The following TTC28 variants were observed in gnomAD, a reference collection of about 807,000 sequenced individuals.
TTC28 encodes tetratricopeptide repeat domain 28.
A neutral mutation model predicts 198.0 loss-of-function variants in TTC28; 61 were observed. The observed-to-expected ratio is 0.31, with a 90% confidence interval of 0.25 to 0.38. TTC28 has a LOEUF of 0.38. TTC28 is among the 10% of genes least tolerant of loss of function. The pLI is 1.00. For missense variants in TTC28, 2,678 were observed against 3,164.0 expected (o/e 0.85, Z 3.69); for synonymous variants, 1,171 against 1,297.8 (o/e 0.90, Z 2.10).
chr22:28,039,509 G>A (rs545293704), intron 12 of TTC28, among the ~76,000 whole-genome samples: 5 of 149,944 alleles, frequency 3.3e-5, no homozygotes, highest in East Asian at 2.0e-4. Flanking sequence ...ATCACAACCC[G>A]GGGTCTGTTG....
At chr22:28,345,676 T>C (rs1340075054) in intron 2 of TTC28, among the ~76,000 whole-genome samples, 4 of 152,180 alleles carry the variant, frequency 2.6e-5, no homozygotes, top group Admixed American at 6.5e-5. Flanking sequence ...TGAGGCTCAG[T>C]CTCTTTTTCA....
chr22:28,257,344 T>G (rs1456354815), intron 5 of TTC28, among the ~76,000 whole-genome samples: 1 of 152,102 alleles, frequency 6.6e-6, no homozygotes, highest in Non-Finnish European at 1.5e-5. Context: ...AAATATGGAA[T>G]CAGCCTAAGC....
At position 28,161,723 on chromosome 22, in the gene TTC28, G is replaced by GAGGACAGGAC. The variant is rs558079633; in HGVS notation, c.1441+1359_1441+1368dup. ...AGAGGAGGGGAAAGAGGAAAGGAAA[G>GAGGACAGGAC]AGGACAGGACAGGACAGGACAGGAC... On this transcript the variant is annotated intron_variant, in intron 6 of 22. Coordinates refer to ENST00000397906, the MANE Select transcript of TTC28 (RefSeq NM_001145418.2). 1.9e-4 allele frequency among the ~76,000 whole-genome samples: 27 copies of GAGGACAGGAC among 144,216 alleles called. No individual in the cohort carries two copies. The East Asian group carries it at 1.9e-3, about 10-fold the overall frequency. 94.6% of individuals were successfully genotyped at this position (144,216 alleles called of 152,430 possible). A position where few individuals can be genotyped will look rare whatever the true frequency, so the allele number is the denominator to read the frequency against.
At chr22:28,332,866 ACAGG>A (rs1471062725) in intron 2 of TTC28, among the ~76,000 whole-genome samples, 1 of 152,122 alleles carries the variant, frequency 6.6e-6, no homozygotes, top group Non-Finnish European at 1.5e-5. Context: ...CTGAACCTTA[ACAGG>A]CAGTTAACTA....
At chr22:27,986,581 C>T (rs1485040469) in intron 21 of TTC28, among the ~76,000 whole-genome samples, 1 of 152,140 alleles carries the variant, frequency 6.6e-6, no homozygotes, top group East Asian at 1.9e-4. Context: ...GTGCTGGGTA[C>T]CTACGATGCC....
chr22:28,085,731 G>A (rs976531927), intron 12 of TTC28, among the ~76,000 whole-genome samples: 1 of 152,060 alleles, frequency 6.6e-6, no homozygotes, highest in African/African-American at 2.4e-5. Flanking sequence ...TGGATAAAGA[G>A]TCAAGACCCA....
At chr22:28,445,997 AG>A (rs2073473751) in intron 2 of TTC28, among the ~76,000 whole-genome samples, 1 of 152,230 alleles carries the variant, frequency 6.6e-6, no homozygotes, top group African/African-American at 2.4e-5. Context: ...GACACACAGC[AG>A]GCAATCAATC....
At chr22:28,437,835 G>A (rs1210326568) in intron 2 of TTC28, among the ~76,000 whole-genome samples, 1 of 151,998 alleles carries the variant, frequency 6.6e-6, no homozygotes, top group African/African-American at 2.4e-5. Flanking sequence ...GTAATTACTT[G>A]GAAGGATTAG....
rs2046488988 is a variant in TTC28, at chr22:28,381,217, C to T, written c.382-74574G>A. On this transcript the variant is annotated intron_variant, in intron 2 of 22. Coordinates refer to ENST00000397906, the MANE Select transcript of TTC28 (RefSeq NM_001145418.2). Reference sequence around the variant, plus strand: ...CTGGAAATGAGGAATTTGAGGTCTGCCCCCAGCTCTACTGATTGGCAATTT... The same window carrying T: ...CTGGAAATGAGGAATTTGAGGTCTGTCCCCAGCTCTACTGATTGGCAATTT... 2.0e-5 allele frequency among the ~76,000 whole-genome samples: 3 copies of T among 151,992 alleles called. No homozygotes were observed. In the South Asian group the frequency reaches 6.2e-4, roughly 32 times the overall value.
intron 13 of TTC28, among the ~76,000 whole-genome samples, chr22:28,019,920 C>A (rs1232597715): frequency 1.3e-5 from 2 of 152,234 alleles, no homozygotes; most frequent in African/African-American, 4.8e-5. Context: ...GAGTAGAACA[C>A]ACATGCACCC....
chr22:27,979,812 T>C lies in TTC28; in HGVS notation c.*2409A>G, dbSNP rs200082161. The C allele has an allele frequency of 2.0e-5, 3 of 152,248 alleles. No homozygotes were observed. The highest frequency in any genetic ancestry group is 4.4e-5 in the Non-Finnish European group (3 of 68,040). The allele number at this position is 152,248 out of a possible 1,614,324, so 9.4% of individuals were successfully genotyped here. On this transcript the variant is annotated 3_prime_UTR_variant, in exon 23 of 23. Transcript: ENST00000397906. ...GACTGACATACACGTAAAGTGGCGGTGACTTTACAGTGGCCTCTAGACTGT... is the reference window on the plus strand; with the variant it reads ...GACTGACATACACGTAAAGTGGCGGCGACTTTACAGTGGCCTCTAGACTGT...
intron 2 of TTC28, among the ~76,000 whole-genome samples, chr22:28,419,938 T>C (rs1321159538): frequency 1.3e-5 from 2 of 152,208 alleles, no homozygotes; most frequent in Non-Finnish European, 2.9e-5. Context: ...GAAATCCATA[T>C]TACAGGGTAT....
At chr22:27,991,408 A>G (rs1298606870) in intron 19 of TTC28, among the ~76,000 whole-genome samples, 1 of 152,168 alleles carries the variant, frequency 6.6e-6, no homozygotes, top group Non-Finnish European at 1.5e-5. Flanking sequence ...ATGCTATTCA[A>G]CGAGCAGGCG....
intron 1 of TTC28, among the ~76,000 whole-genome samples, chr22:28,637,012 T>TTTG (rs2051284916): frequency 6.9e-6 from 1 of 144,914 alleles, no homozygotes; most frequent in Non-Finnish European, 1.5e-5. Flanking sequence ...CAGTTTTTTT[T>TTTG]TTTTTTTTTT....
At chr22:28,551,647 T>C (rs1457900844) in intron 2 of TTC28, among the ~76,000 whole-genome samples, 1 of 152,192 alleles carries the variant, frequency 6.6e-6, no homozygotes, top group African/African-American at 2.4e-5. Flanking sequence ...TCTCAATAGA[T>C]GCAGAAAAAG....
chr22:28,516,112 T>G (rs1043657834), intron 2 of TTC28, among the ~76,000 whole-genome samples: 1 of 148,058 alleles, frequency 6.8e-6, no homozygotes, highest in Non-Finnish European at 1.5e-5. Context: ...GCCATTACAC[T>G]CCAGCCTGGG....
chr22:28,677,209 T>C (rs1242982179), intron 1 of TTC28, among the ~76,000 whole-genome samples: 1 of 138,692 alleles, frequency 7.2e-6, no homozygotes, highest in Non-Finnish European at 1.6e-5. Context: ...TATACACACA[T>C]ATATATTAAG....
At chr22:28,425,835 A>G (rs1053093054) in intron 2 of TTC28, among the ~76,000 whole-genome samples, 1 of 152,130 alleles carries the variant, frequency 6.6e-6, no homozygotes, top group South Asian at 2.1e-4. Context: ...GGGCCCAACA[A>G]TATCTCTTCA....
chr22:28,274,976 TAAAAAAAAAAA>T lies in TTC28; in HGVS notation c.933+21211_933+21221del, dbSNP rs34582010. Among the ~76,000 whole-genome samples, 14 of 77,890 alleles carry T rather than the reference TAAAAAAAAAAA, an allele frequency of 1.8e-4. 1 individual carries two copies. Among genetic ancestry groups the T allele is most frequent in the South Asian group, 1.5e-3 (2 of 1,372 alleles). The allele number at this position is 77,890 out of a possible 152,430, so 51.1% of individuals were successfully genotyped here. A position where few individuals can be genotyped will look rare whatever the true frequency, so the allele number is the denominator to read the frequency against. On this transcript the variant is annotated intron_variant, in intron 5 of 22. Transcript: ENST00000397906. ...CCTGGGCAACAGAGTGAGACTGTCT[TAAAAAAAAAAA>T]AAAAAAAAAAAAAGAGAGAGAGAGA...
Sources: allele counts gnomAD v4.1 joint callset (sites outside exome capture counted in the v4.1 genomes callset), GRCh38; gene constraint gnomAD v4.1.1; transcripts MANE v1.5; gene names NCBI Gene and HGNC (gene_info 2026-07-23, HGNC 2026-07-21).